The following XPO4 variants were observed in gnomAD, a reference collection of about 807,000 sequenced individuals.
XPO4 encodes the protein exportin 4, also known as exportin-4.
XPO4 carries 39 observed loss-of-function variants against 143.0 expected under a neutral mutation model. The observed-to-expected ratio is 0.27, with a 90% CI of 0.21 to 0.36. XPO4 has a LOEUF of 0.36. XPO4 is among the 10% of genes least tolerant of loss of function. XPO4 has a pLI of 1.00. For synonymous variants in XPO4, 439 were observed against 474.0 expected (o/e 0.93, Z 0.96); for missense variants, 907 against 1,348.0 (o/e 0.67, Z 5.12).
At chr13:20,822,441 C>G (rs972984460) in intron 7 of XPO4, 152 bp from the exon 8 acceptor site, 6 of 679,688 alleles carry the variant, frequency 8.8e-6, no homozygotes, top group Non-Finnish European at 1.4e-5. Context: ...AAAATTGTCC[C>G]TCAGTCCACT....
chr13:20,902,059 CT>C, intron 1 of XPO4: 1 of 985,102 alleles, frequency 1.0e-6, no homozygotes, highest in East Asian at 1.1e-4. Context: ...ATCGCGGGAG[CT>C]TTAAGGAGCT....
At chr13:20,787,105 T>A (rs924216079) in intron 21 of XPO4, 48 bp from the exon 22 acceptor site, 35 of 1,457,736 alleles carry the variant, frequency 2.4e-5, no homozygotes, top group Non-Finnish European at 3.1e-5. Context: ...TGATCATATA[T>A]CCTCCAGTCC....
Position 20,860,257 on chromosome 13 carries a change from A to T in XPO4, c.317+2460T>A, listed in dbSNP as rs1018760882. 9.2e-5 allele frequency among the ~76,000 whole-genome samples: 14 copies of T among 152,248 alleles called. No homozygotes were observed. In the East Asian group the frequency reaches 2.7e-3, roughly 29 times the overall value. On this transcript the variant is annotated intron_variant, in intron 3 of 22. Coordinates refer to ENST00000255305, the MANE Select transcript of XPO4 (RefSeq NM_022459.5). ...CAGAAAACGCTAACATTTTAGGCCT[A>T]GAGGCCAAAAACAATTTTTTTAACC...
Position 20,782,011 on chromosome 13 carries a change from C to T in XPO4, c.*1711G>A, listed in dbSNP as rs1023236566. 1.3e-5 allele frequency: 2 copies of T among 152,068 alleles called. No individual in the cohort carries two copies. The highest frequency in any genetic ancestry group is 2.1e-4 in the South Asian group (1 of 4,828). 9.4% of individuals were successfully genotyped at this position (152,068 alleles called of 1,614,324 possible). A position where few individuals can be genotyped will look rare whatever the true frequency, so the allele number is the denominator to read the frequency against. Reference sequence around the variant, plus strand: ...GTCTTTTCAAGATGTTTTTGCTTCCCCTTAATTGTGACTCAAAGCTAATCA... The same window carrying T: ...GTCTTTTCAAGATGTTTTTGCTTCCTCTTAATTGTGACTCAAAGCTAATCA... On this transcript the variant is annotated 3_prime_UTR_variant, in exon 23 of 23. Transcript: ENST00000255305.
At chr13:20,881,309 C>T (rs1332509818) in intron 1 of XPO4, among the ~76,000 whole-genome samples, 1 of 151,960 alleles carries the variant, frequency 6.6e-6, no homozygotes, top group African/African-American at 2.4e-5. Context: ...CGCTCTGTCG[C>T]CCAGGCTGGA....
At position 20,885,611 on chromosome 13, in the gene XPO4, T is replaced by C. The variant is rs551001017; in HGVS notation, c.70-16910A>G. Among the ~76,000 whole-genome samples the C allele has an allele frequency of 1.4e-4, 22 of 152,154 alleles. No individual in the cohort carries two copies. The East Asian group carries it at 4.1e-3, about 28-fold the overall frequency. On this transcript the variant is annotated intron_variant, in intron 1 of 22. Coordinates refer to ENST00000255305, the MANE Select transcript of XPO4 (RefSeq NM_022459.5). ...TTATGCTGTTTATAAGAAATGCATA[T>C]AAAACTCAAGGGCATGGAAAGGTTG...
rs1850454990 is a variant in XPO4, at chr13:20,777,433, AT to A, written c.*6288del. 6.6e-6 allele frequency: 1 copy of A among 152,212 alleles called. No homozygotes were observed. 9.4% of individuals were successfully genotyped at this position (152,212 alleles called of 1,614,324 possible). ...GAACACTTATAAACTCATGATATGG[AT>A]AACAGACCTGTGGAAATTAATGTAA... is the stretch of plus-strand genomic sequence containing the variant. On this transcript the variant is annotated 3_prime_UTR_variant, in exon 23 of 23. Transcript: ENST00000255305.
intron 3 of XPO4, chr13:20,856,310 T>G (rs1286708782): frequency 2.0e-6 from 2 of 984,746 alleles, no homozygotes; most frequent in Non-Finnish European, 2.4e-6. Flanking sequence ...AAACATAAAA[T>G]TGTAAAACAC....
At chr13:20,824,403 T>C (rs2059758281) in intron 7 of XPO4, among the ~76,000 whole-genome samples, 1 of 152,240 alleles carries the variant, frequency 6.6e-6, no homozygotes, top group African/African-American at 2.4e-5. Context: ...TCTCACAATC[T>C]TGAATGTTCA....
chr13:20,798,756 A>G (rs1431253684), intron 16 of XPO4, among the ~76,000 whole-genome samples: 1 of 152,202 alleles, frequency 6.6e-6, no homozygotes, highest in Non-Finnish European at 1.5e-5. Flanking sequence ...GTGGCTGGTC[A>G]CATCTGTAAT....
chr13:20,861,667 T>C (rs1053769876), intron 3 of XPO4, among the ~76,000 whole-genome samples: 2 of 151,952 alleles, frequency 1.3e-5, no homozygotes, highest in Non-Finnish European at 2.9e-5. Flanking sequence ...AATACAGATA[T>C]GTATAAAAAG....
At chr13:20,879,969 G>A (rs1250862784) in intron 1 of XPO4, among the ~76,000 whole-genome samples, 1 of 152,198 alleles carries the variant, frequency 6.6e-6, no homozygotes, top group Non-Finnish European at 1.5e-5. Context: ...ATGAAAAGAT[G>A]TCCAACATAC....
At chr13:20,814,474 G>A (rs2059624283) in intron 9 of XPO4, among the ~76,000 whole-genome samples, 1 of 152,206 alleles carries the variant, frequency 6.6e-6, no homozygotes, top group African/African-American at 2.4e-5. Flanking sequence ...CAGCCTTCTG[G>A]TTTCTTTTGG....
intron 6 of XPO4, among the ~76,000 whole-genome samples, chr13:20,836,212 C>T (rs1256432148): frequency 2.0e-5 from 3 of 152,204 alleles, no homozygotes; most frequent in Non-Finnish European, 2.9e-5. Flanking sequence ...CTAATTACTA[C>T]CTGATCACTG....
At chr13:20,814,192 CAAAA>C (rs35203359) in intron 9 of XPO4, among the ~76,000 whole-genome samples, 1 of 97,952 alleles carries the variant, frequency 1.0e-5, no homozygotes, top group Admixed American at 9.5e-5. Context: ...ACCCAGTCTC[CAAAA>C]AAAAAAAAAA....
rs2059147304 is a variant in XPO4 at position 20,781,808 on chromosome 13, A to C, written c.*1914T>G. 1 of 152,220 alleles carries C rather than the reference A, an allele frequency of 6.6e-6. No individual in the cohort carries two copies. The highest frequency in any genetic ancestry group is 6.5e-5 in the Admixed American group (1 of 15,284). 9.4% of individuals were successfully genotyped at this position (152,220 alleles called of 1,614,324 possible). On this transcript the variant is annotated 3_prime_UTR_variant, in exon 23 of 23. Transcript: ENST00000255305. ...AATTCACAACAGCTGAGAAAGCTTG[A>C]GGGATCTGGGAAACACAAAACACCA...
At chr13:20,810,150 A>C (rs1408133720) in intron 9 of XPO4, among the ~76,000 whole-genome samples, 183 bp from the exon 10 acceptor site, 1 of 152,206 alleles carries the variant, frequency 6.6e-6, no homozygotes, top group East Asian at 1.9e-4. Context: ...GCAATCTGGA[A>C]TTAAAGTTTA....
intron 1 of XPO4, among the ~76,000 whole-genome samples, chr13:20,892,225 T>A (rs1025992374): frequency 9.2e-5 from 14 of 152,092 alleles, no homozygotes; most frequent in Non-Finnish European, 1.6e-4. Flanking sequence ...TAGCTGGGAT[T>A]ACACACATGC....
chr13:20,790,559 T>C lies in XPO4; in HGVS notation c.2819A>G (p.Glu940Gly). 3 of 1,614,102 alleles carry C rather than the reference T, an allele frequency of 1.9e-6. 1 individual carries two copies. The South Asian group carries it at 3.3e-5, about 18-fold the overall frequency. The change falls in exon 19 of 23, where the codon GAG becomes GGG. Residue 940 changes from glutamate (E) to glycine (G), a missense_variant. Transcript: ENST00000255305. Reference sequence around the variant, plus strand: ...AGATCTGTTTGCTGCTTGACCTGGCTCATGTCCTCTAAACACTTCATCTAT... The same window carrying C: ...AGATCTGTTTGCTGCTTGACCTGGCCCATGTCCTCTAAACACTTCATCTAT... ...SDTDEVFRGH[E>G]PGQAANRSVS... is the part of the protein sequence containing the mutation.
Sources: gnomAD v4.1 joint callset for allele counts (sites outside exome capture counted in the v4.1 genomes callset) on GRCh38, gnomAD v4.1.1 for gene constraint, MANE v1.5 for transcripts, NCBI Gene and HGNC (gene_info 2026-07-23, HGNC 2026-07-21) for gene names.